The following NKD1 variants were observed in gnomAD, a reference collection of about 807,000 sequenced individuals.
The protein encoded by NKD1 is NKD inhibitor of Wnt signaling pathway 1, also known as protein naked cuticle homolog 1.
Under a neutral mutation model 56.0 loss-of-function variants are expected in NKD1, and 21 were observed. The ratio of observed to expected loss-of-function variants is 0.38; its 90% CI spans 0.27 to 0.54. The LOEUF is 0.54. Among genes scored for constraint, NKD1 ranks in the 20% least tolerant of loss-of-function variants. The pLI is 0.82. For synonymous variants in NKD1, 263 were observed against 265.7 expected (o/e 0.99, Z 0.10); for missense variants, 578 against 642.7 (o/e 0.90, Z 1.09).
At chr16:50,549,035 T>G in intron 2 of NKD1, 1 of 345,660 alleles carries the variant, frequency 2.9e-6, no homozygotes, top group Non-Finnish European at 3.5e-6. Context: ...CCCAAGCGCC[T>G]CCCCGCAAGA....
chr16:50,608,400 T>TG (rs749365752), intron 4 of NKD1, 40 bp downstream of exon 4: 134 of 1,468,872 alleles, frequency 9.1e-5, no homozygotes, highest in Non-Finnish European at 1.3e-4. Context: ...CAGCAGCGAG[T>TG]GGGGGAAGCG....
intron 4 of NKD1, among the ~76,000 whole-genome samples, chr16:50,612,886 ATTCT>A (rs1458403184): frequency 6.6e-6 from 1 of 152,122 alleles, no homozygotes; most frequent in African/African-American, 2.4e-5. Flanking sequence ...TAAGAAGTTA[ATTCT>A]GGCTTCTGGG....
At chr16:50,617,873 G>T (rs1401090479) in intron 4 of NKD1, among the ~76,000 whole-genome samples, 1 of 152,160 alleles carries the variant, frequency 6.6e-6, no homozygotes, top group African/African-American at 2.4e-5. Context: ...GTAGAGGGTG[G>T]CACACATCTA....
At chr16:50,558,289 T>G (rs1960545973) in intron 3 of NKD1, 1 of 152,232 alleles carries the variant, frequency 6.6e-6, no homozygotes, top group African/African-American at 2.4e-5. Context: ...GTGGTGGTGG[T>G]AGAGAAGCAG....
Position 50,634,108 on chromosome 16 carries a change from T to G in NKD1, c.*327T>G. On this transcript the variant is annotated 3_prime_UTR_variant, in exon 10 of 10. Coordinates refer to ENST00000268459, the MANE Select transcript of NKD1 (RefSeq NM_033119.5). ...CACCCTTCCCAGAGCCAGGGAGCCC[T>G]TAGCCTCAACTCTGCCCCACCCCAG... 4.6e-6 allele frequency: 1 copy of G among 218,268 alleles called. No individual in the cohort carries two copies. Among genetic ancestry groups the G allele is most frequent in the Non-Finnish European group, 8.9e-6 (1 of 111,978 alleles). The allele number at this position is 218,268 out of a possible 1,614,324, so 13.5% of individuals were successfully genotyped here. A position where few individuals can be genotyped will look rare whatever the true frequency, so the allele number is the denominator to read the frequency against.
intron 3 of NKD1, chr16:50,574,467 C>T (rs768409408): frequency 4.1e-6 from 4 of 985,444 alleles, no homozygotes; most frequent in Non-Finnish European, 4.8e-6. Flanking sequence ...GGCTGGGCCT[C>T]ATCTTGTTTT....
chr16:50,590,637 G>A (rs1250818489), intron 3 of NKD1, among the ~76,000 whole-genome samples: 4 of 152,222 alleles, frequency 2.6e-5, no homozygotes, highest in Non-Finnish European at 5.9e-5. Context: ...ATACAGAGGA[G>A]GAAACTAAGG....
At chr16:50,589,272 A>C (rs1465034435) in intron 3 of NKD1, among the ~76,000 whole-genome samples, 1 of 152,184 alleles carries the variant, frequency 6.6e-6, no homozygotes, top group African/African-American at 2.4e-5. Flanking sequence ...ACAGACACGA[A>C]AGTAGAGAGA....
chr16:50,619,523 T>G (rs1329453712), intron 4 of NKD1, among the ~76,000 whole-genome samples: 1 of 152,172 alleles, frequency 6.6e-6, no homozygotes, highest in Non-Finnish European at 1.5e-5. Context: ...CTGTATGTAT[T>G]TAATATAATG....
chr16:50,571,471 A>T lies in NKD1; in HGVS notation c.192+21916A>T, dbSNP rs146356488. 273 of 985,342 alleles carry T rather than the reference A, an allele frequency of 2.8e-4. No homozygotes were observed. The African/African-American group carries it at 4.6e-3, about 17-fold the overall frequency. 61.0% of individuals were successfully genotyped at this position (985,342 alleles called of 1,614,324 possible). A position where few individuals can be genotyped will look rare whatever the true frequency, so the allele number is the denominator to read the frequency against. Reference sequence around the variant, plus strand: ...GGGTGCCCTCCACTCACTGCCGCTCACACACCCAAACAGCCTGTCGGAAGC... The same window carrying T: ...GGGTGCCCTCCACTCACTGCCGCTCTCACACCCAAACAGCCTGTCGGAAGC... On this transcript the variant is annotated intron_variant, in intron 3 of 9. Coordinates refer to ENST00000268459, the MANE Select transcript of NKD1 (RefSeq NM_033119.5).
At chr16:50,624,934 C>T (rs1567352703) in intron 5 of NKD1, among the ~76,000 whole-genome samples, 2 of 152,196 alleles carry the variant, frequency 1.3e-5, no homozygotes. Context: ...ATTTAATCTT[C>T]CCAGCAACCT....
chr16:50,611,208 C>T (rs1293275873), intron 4 of NKD1, among the ~76,000 whole-genome samples: 1 of 152,232 alleles, frequency 6.6e-6, no homozygotes, highest in African/African-American at 2.4e-5. Context: ...CTCCCTCTCT[C>T]CAGGTCCCCC....
At chr16:50,575,649 T>A (rs1303947100) in intron 3 of NKD1, among the ~76,000 whole-genome samples, 1 of 152,250 alleles carries the variant, frequency 6.6e-6, no homozygotes, top group East Asian at 1.9e-4. Context: ...CTCTGGCCAG[T>A]GACCTTTACA....
intron 3 of NKD1, chr16:50,606,969 C>A: frequency 2.2e-6 from 1 of 456,828 alleles, no homozygotes; most frequent in Non-Finnish European, 4.4e-6. Flanking sequence ...TCAACTCGGG[C>A]TCTGTTAACA....
At chr16:50,560,448 G>A (rs1003241560) in intron 3 of NKD1, among the ~76,000 whole-genome samples, 7 of 152,326 alleles carry the variant, frequency 4.6e-5, no homozygotes, top group South Asian at 2.1e-4. Context: ...GATTCTCAGA[G>A]CACTGTTATG....
intron 3 of NKD1, among the ~76,000 whole-genome samples, chr16:50,551,640 A>C (rs1484264519): frequency 2.0e-5 from 3 of 152,156 alleles, no homozygotes; most frequent in Non-Finnish European, 4.4e-5. Flanking sequence ...GGGGGAGCCC[A>C]GGGTGTGGAA....
chr16:50,610,987 G>A (rs1208530731), intron 4 of NKD1, among the ~76,000 whole-genome samples: 1 of 152,226 alleles, frequency 6.6e-6, no homozygotes, highest in Non-Finnish European at 1.5e-5. Flanking sequence ...CCCAGCTGAG[G>A]TCTGAGGACC....
At chr16:50,565,887 A>ATC (rs1960748630) in intron 3 of NKD1, among the ~76,000 whole-genome samples, 1 of 152,228 alleles carries the variant, frequency 6.6e-6, no homozygotes, top group African/African-American at 2.4e-5. Flanking sequence ...AGGATAGACC[A>ATC]TCATTGCATT....
In NKD1 at chr16:50,566,584, G is replaced by C. The variant is rs182570539; in HGVS notation, c.192+17029G>C. Among the ~76,000 whole-genome samples, 5 of 152,348 alleles carry C rather than the reference G, an allele frequency of 3.3e-5. No homozygotes were observed. The East Asian group carries it at 9.6e-4, about 29-fold the overall frequency. ...CCCTAATGAGAAACTGACTTGAGAG[G>C]AGAAGGCTGTAGAAAGCACACTGTA... is the stretch of plus-strand genomic sequence containing the variant. On this transcript the variant is annotated intron_variant, in intron 3 of 9. Transcript: ENST00000268459.
Sources: gnomAD v4.1 joint callset for allele counts (sites outside exome capture counted in the v4.1 genomes callset) on GRCh38, gnomAD v4.1.1 for gene constraint, MANE v1.5 for transcripts, NCBI Gene and HGNC (gene_info 2026-07-23, HGNC 2026-07-21) for gene names.